The following PPARD variants were observed in gnomAD, a reference collection of about 807,000 sequenced individuals.
The protein encoded by PPARD is peroxisome proliferator activated receptor delta.
PPARD carries 6 observed loss-of-function variants against 39.5 expected under a neutral mutation model. The ratio of observed to expected loss-of-function variants is 0.15; its 90% CI spans 0.08 to 0.30. PPARD has a LOEUF of 0.30. PPARD is among the 10% of genes least tolerant of loss of function. PPARD has a pLI of 1.00. For missense variants in PPARD, 397 were observed against 596.8 expected, an observed-to-expected ratio of 0.67 and a Z score of 3.49; for synonymous variants, 210 against 231.3, an observed-to-expected ratio of 0.91 and a Z score of 0.83.
chr6:35,407,111 C>T (rs1765103235), intron 2 of PPARD, among the ~76,000 whole-genome samples: 1 of 152,182 alleles, frequency 6.6e-6, no homozygotes, highest in Admixed American at 6.5e-5. Context: ...TCCATCAGGT[C>T]TTCCCCAGGG....
chr6:35,375,598 G>A (rs1762769085), intron 2 of PPARD, among the ~76,000 whole-genome samples: 1 of 152,098 alleles, frequency 6.6e-6, no homozygotes, highest in African/African-American at 2.4e-5. Context: ...TGCCTAGGCT[G>A]AAGTGCAGTG....
intron 2 of PPARD, chr6:35,348,817 G>T: frequency 1.0e-6 from 1 of 985,400 alleles, no homozygotes; most frequent in Non-Finnish European, 1.2e-6. Flanking sequence ...GGGAGTTTCA[G>T]AGACTTCTGA....
chr6:35,394,899 T>C (rs1764227417), intron 2 of PPARD, among the ~76,000 whole-genome samples: 1 of 152,116 alleles, frequency 6.6e-6, no homozygotes. Context: ...ATCTCAGCAT[T>C]GCCACTGCCA....
intron 2 of PPARD, among the ~76,000 whole-genome samples, chr6:35,396,533 T>TAAA (rs34707184): frequency 0.14 from 15,458 of 109,720 alleles, 2,131 homozygotes; most frequent in African/African-American, 0.35. Context: ...TTGTTTTTAT[T>TAAA]AAAAAAAAAA....
chr6:35,381,841 C>T (rs1372836711), intron 2 of PPARD, among the ~76,000 whole-genome samples: 1 of 152,140 alleles, frequency 6.6e-6, no homozygotes, highest in Non-Finnish European at 1.5e-5. Flanking sequence ...TAATTTAGCA[C>T]CTACAATCTA....
intron 2 of PPARD, among the ~76,000 whole-genome samples, chr6:35,351,957 C>G (rs1364216543): frequency 6.9e-6 from 1 of 145,012 alleles, no homozygotes; most frequent in Non-Finnish European, 1.5e-5. Flanking sequence ...CTAGCCTTGA[C>G]TTCCAGGCTC....
chr6:35,406,862 G>A (rs553014904), intron 2 of PPARD, among the ~76,000 whole-genome samples: 6 of 152,348 alleles, frequency 3.9e-5, no homozygotes, highest in Admixed American at 3.9e-4. Context: ...GCACACAGCT[G>A]TCAGGGCCTG....
chr6:35,361,282 T>A (rs1761912803), intron 2 of PPARD, among the ~76,000 whole-genome samples: 1 of 152,172 alleles, frequency 6.6e-6, no homozygotes, highest in South Asian at 2.1e-4. Context: ...GATGATTGTT[T>A]CATTAGTGTC....
rs1762210250 is a variant in PPARD at position 35,366,422 on chromosome 6, T to A, written c.-102+19272T>A. On this transcript the variant is annotated intron_variant, in intron 2 of 7. Coordinates refer to ENST00000360694, the MANE Select transcript of PPARD (RefSeq NM_006238.5). The surrounding 1 kb of genome is among the most constrained non-coding windows in gnomAD (Gnocchi z 4.6). ...AGCAGGAGAATAATGTGATAGTTGC[T>A]ATACAGGACAATTAATCTGATAGCA... 6.6e-6 allele frequency among the ~76,000 whole-genome samples: 1 copy of A among 151,662 alleles called. No individual in the cohort carries two copies. The highest frequency in any genetic ancestry group is 6.6e-5 in the Admixed American group (1 of 15,252).
chr6:35,359,301 C>G (rs563575620), intron 2 of PPARD, among the ~76,000 whole-genome samples: 2 of 152,172 alleles, frequency 1.3e-5, no homozygotes, highest in Non-Finnish European at 2.9e-5. Context: ...CACCACCTCA[C>G]GAGTTTTAGG....
intron 2 of PPARD, among the ~76,000 whole-genome samples, chr6:35,388,802 A>G (rs1341982383): frequency 6.6e-6 from 1 of 152,102 alleles, no homozygotes; most frequent in African/African-American, 2.4e-5. Flanking sequence ...AGGTGCAAAC[A>G]TGTGGCAGAG....
intron 2 of PPARD, among the ~76,000 whole-genome samples, chr6:35,403,606 T>G (rs1764837815): frequency 1.3e-5 from 2 of 152,146 alleles, no homozygotes; most frequent in Non-Finnish European, 2.9e-5. Flanking sequence ...CCGTGCCAGG[T>G]GCTGGGACCT....
chr6:35,407,576 T>C (rs1387630822), intron 2 of PPARD, among the ~76,000 whole-genome samples: 1 of 152,052 alleles, frequency 6.6e-6, no homozygotes, highest in Admixed American at 6.6e-5. Context: ...GACGAGTTAA[T>C]GGGTGCAGCA....
At chr6:35,378,052 C>T (rs1180153962) in intron 2 of PPARD, among the ~76,000 whole-genome samples, 5 of 151,826 alleles carry the variant, frequency 3.3e-5, no homozygotes, top group East Asian at 1.9e-4. Flanking sequence ...TTAGTAGAGA[C>T]GGGGTTTCAC....
chr6:35,398,591 A>C (rs1461749681), intron 2 of PPARD, among the ~76,000 whole-genome samples: 2 of 152,216 alleles, frequency 1.3e-5, no homozygotes, highest in African/African-American at 4.8e-5. Context: ...AAAGAGATGG[A>C]GCGTAGATGG....
intron 2 of PPARD, among the ~76,000 whole-genome samples, chr6:35,403,416 A>C (rs753838951): frequency 1.6e-4 from 25 of 152,216 alleles, no homozygotes; most frequent in Middle Eastern, 3.2e-3. Flanking sequence ...GTGTGAACCC[A>C]GGCCTGACTG....
chr6:35,393,489 G>A (rs138801478), intron 2 of PPARD, among the ~76,000 whole-genome samples: 15 of 152,232 alleles, frequency 9.9e-5, no homozygotes, highest in African/African-American at 1.9e-4. Flanking sequence ...AAGTCACTCC[G>A]GTTCTGGCAT....
At chr6:35,410,963 C>G in intron 2 of PPARD, 24 bp from the exon 3 acceptor site, 1 of 1,265,926 alleles carries the variant, frequency 7.9e-7, no homozygotes. Flanking sequence ...CCCCTGACCT[C>G]TTCCTGTCTT....
intron 2 of PPARD, among the ~76,000 whole-genome samples, chr6:35,358,227 C>T (rs1242287448): frequency 6.6e-6 from 1 of 152,162 alleles, no homozygotes. Flanking sequence ...AGATGCTACA[C>T]TGCTGGCTTT....
Sources: allele counts gnomAD v4.1 joint callset (sites outside exome capture counted in the v4.1 genomes callset), GRCh38; gene constraint gnomAD v4.1.1; non-coding constraint Gnocchi (gnomAD v3.1); transcripts MANE v1.5; gene names NCBI Gene and HGNC (gene_info 2026-07-23, HGNC 2026-07-21).